Variants in KALRN observed in about 807,000 individuals in gnomAD.
KALRN encodes kalirin RhoGEF kinase, also known as kalirin.
Under a neutral mutation model 353.7 loss-of-function variants are expected in KALRN, and 70 were observed. The ratio of observed to expected loss-of-function variants is 0.20; its 90% confidence interval spans 0.16 to 0.24. KALRN has a LOEUF of 0.24. Among genes scored for constraint, KALRN ranks in the 10% least tolerant of loss-of-function variants. The pLI, the probability that KALRN is intolerant of heterozygous loss-of-function variation, is 1.00. For synonymous variants in KALRN, 1,391 were observed against 1,434.8 expected, an observed-to-expected ratio of 0.97 and a Z score of 0.69; for missense variants, 2,791 against 3,756.7, an observed-to-expected ratio of 0.74 and a Z score of 6.72.
At chr3:124,470,335 G>A (rs1433036086) in intron 25 of KALRN, among the ~76,000 whole-genome samples, 1 of 152,098 alleles carries the variant, frequency 6.6e-6, no homozygotes, top group Non-Finnish European at 1.5e-5. Flanking sequence ...GCTTTAATTT[G>A]AATTCATCAT....
intron 8 of KALRN, among the ~76,000 whole-genome samples, chr3:124,330,714 G>T (rs769011482): frequency 2.0e-5 from 3 of 152,204 alleles, no homozygotes; most frequent in Admixed American, 6.5e-5. Flanking sequence ...TCTGAGGAAG[G>T]GGACTGAGGG....
At position 124,501,323 on chromosome 3, in the gene KALRN, G is replaced by T. The variant is rs73860509; in HGVS notation, c.4935+4910G>T. Among the ~76,000 whole-genome samples the T allele has an allele frequency of 3.9e-3, 596 of 152,286 alleles. 9 individuals carry two copies. Among genetic ancestry groups the T allele is most frequent in the African/African-American group, 0.014 (566 of 41,560 alleles). On this transcript the variant is annotated intron_variant, in intron 33 of 59. Coordinates refer to ENST00000682506, the MANE Select transcript of KALRN (RefSeq NM_001388419.1). ...TAATGTGAGCTGAGGTGAAATGTGGGCTGATAATGGTGATATGCCAAAGAA... is the reference window on the plus strand; with the variant it reads ...TAATGTGAGCTGAGGTGAAATGTGGTCTGATAATGGTGATATGCCAAAGAA...
intron 1 of KALRN, among the ~76,000 whole-genome samples, chr3:124,080,449 C>T (rs908155163): frequency 1.3e-5 from 2 of 152,164 alleles, no homozygotes; most frequent in African/African-American, 4.8e-5. Flanking sequence ...TCTTTCTGTG[C>T]ATTTACATAG....
At chr3:124,578,940 T>C (rs2074381855) in intron 34 of KALRN, among the ~76,000 whole-genome samples, 2 of 152,280 alleles carry the variant, frequency 1.3e-5, no homozygotes, top group Non-Finnish European at 1.5e-5. Flanking sequence ...CTATGCTCTA[T>C]AAAAGGTCAC....
intron 28 of KALRN, among the ~76,000 whole-genome samples, chr3:124,486,919 A>G (rs1157190288): frequency 6.6e-6 from 1 of 152,214 alleles, no homozygotes; most frequent in Non-Finnish European, 1.5e-5. Flanking sequence ...ATTGTTTACC[A>G]TAAGAAGCCC....
chr3:124,494,524 T>G (rs1441869566), intron 32 of KALRN, among the ~76,000 whole-genome samples: 1 of 152,238 alleles, frequency 6.6e-6, no homozygotes, highest in Non-Finnish European at 1.5e-5. Context: ...TATTTTTGGT[T>G]TTGAAATGCG....
At chr3:124,664,964 T>G (rs3755689) in intron 45 of KALRN, among the ~76,000 whole-genome samples, 4,250 of 152,312 alleles carry the variant, frequency 0.028, 81 homozygotes, top group East Asian at 0.079. Flanking sequence ...TAATAGAGCT[T>G]TCCTGGCTAG....
chr3:124,491,433 T>C lies in KALRN; in HGVS notation c.4689+9T>C. ...ATAAAACAGTGCTGAAAGTAAGTAC[T>C]GCTCTCTGCTAGGCACAAACTAGGG... is the stretch of plus-strand genomic sequence containing the variant. On this transcript the variant is annotated intron_variant, in intron 31 of 59. Coordinates refer to ENST00000682506, the MANE Select transcript of KALRN (RefSeq NM_001388419.1). 6.3e-7 allele frequency: 1 copy of C among 1,576,122 alleles called. No individual in the cohort carries two copies. The highest frequency in any genetic ancestry group is 8.6e-7 in the Non-Finnish European group (1 of 1,158,290).
chr3:124,520,292 A>G (rs1458958760), intron 33 of KALRN, among the ~76,000 whole-genome samples: 3 of 152,190 alleles, frequency 2.0e-5, no homozygotes, highest in Admixed American at 6.5e-5. Flanking sequence ...AGTGATAATC[A>G]ATGGTAAAAT....
At chr3:124,440,606 T>G (rs1237597292) in intron 18 of KALRN, among the ~76,000 whole-genome samples, 1 of 150,670 alleles carries the variant, frequency 6.6e-6, no homozygotes, top group Non-Finnish European at 1.5e-5. Context: ...TTTATAATTG[T>G]TTCTATTAAT....
At chr3:124,246,584 T>C (rs2070305293) in intron 3 of KALRN, among the ~76,000 whole-genome samples, 1 of 152,224 alleles carries the variant, frequency 6.6e-6, no homozygotes, top group African/African-American at 2.4e-5. Flanking sequence ...TTATCAGAAC[T>C]GGTGTCCTTA....
intron 33 of KALRN, among the ~76,000 whole-genome samples, chr3:124,556,761 A>G (rs1405198755): frequency 2.0e-5 from 3 of 152,226 alleles, no homozygotes; most frequent in African/African-American, 7.2e-5. Flanking sequence ...CTTATGTGAG[A>G]AACACTGGGC....
chr3:124,442,496 T>TA (rs1339631804), intron 19 of KALRN, among the ~76,000 whole-genome samples: 1 of 152,224 alleles, frequency 6.6e-6, no homozygotes, highest in African/African-American at 2.4e-5. Flanking sequence ...TAGGGTGTCT[T>TA]ATAGCCTAGG....
At chr3:124,117,957 A>T (rs1321467342) in intron 1 of KALRN, among the ~76,000 whole-genome samples, 1 of 152,226 alleles carries the variant, frequency 6.6e-6, no homozygotes, top group Non-Finnish European at 1.5e-5. Context: ...AGGGATTTAA[A>T]AATTTTAGAA....
In KALRN at chr3:124,488,380, G is replaced by C. The variant is rs749439827; in HGVS notation, c.4396+65G>C. On this transcript the variant is annotated intron_variant, in intron 29 of 59. Transcript: ENST00000682506. Reference sequence around the variant, plus strand: ...CTTGACACGGGGGAGCTTGTATCATGGGAGGGAAGTGGCATGAAGTTAGAC... The same window carrying C: ...CTTGACACGGGGGAGCTTGTATCATCGGAGGGAAGTGGCATGAAGTTAGAC... 2.8e-6 allele frequency: 3 copies of C among 1,089,414 alleles called. No homozygotes were observed. The East Asian group carries it at 7.1e-5, about 26-fold the overall frequency. The allele number at this position is 1,089,414 out of a possible 1,614,324, so 67.5% of individuals were successfully genotyped here. A position where few individuals can be genotyped will look rare whatever the true frequency, so the allele number is the denominator to read the frequency against.
intron 3 of KALRN, among the ~76,000 whole-genome samples, chr3:124,239,661 C>T (rs936419133): frequency 4.6e-5 from 7 of 152,302 alleles, no homozygotes; most frequent in South Asian, 4.1e-4. Context: ...TTATGGCCTG[C>T]ACTGTCTTTG....
intron 5 of KALRN, among the ~76,000 whole-genome samples, chr3:124,277,921 T>A (rs1288907351): frequency 6.6e-6 from 1 of 152,090 alleles, no homozygotes; most frequent in Non-Finnish European, 1.5e-5. Context: ...CTTTCCAGAA[T>A]CTGGGCTGTC....
chr3:124,273,348 C>T (rs755501849), intron 5 of KALRN, among the ~76,000 whole-genome samples: 1 of 152,206 alleles, frequency 6.6e-6, no homozygotes, highest in Non-Finnish European at 1.5e-5. Context: ...GAACAGCTGT[C>T]GTGAGCCACC....
intron 34 of KALRN, among the ~76,000 whole-genome samples, chr3:124,604,928 T>C (rs2077175533): frequency 6.6e-6 from 1 of 151,384 alleles, no homozygotes; most frequent in African/African-American, 2.4e-5. Flanking sequence ...GGCCAAGGTG[T>C]GCAGATTGCC....
Sources: allele counts gnomAD v4.1 joint callset (sites outside exome capture counted in the v4.1 genomes callset), GRCh38; gene constraint gnomAD v4.1.1; transcripts MANE v1.5; gene names NCBI Gene and HGNC (gene_info 2026-07-23, HGNC 2026-07-21).